Variants in NXPE2 observed in about 807,000 individuals in gnomAD.
NXPE2 encodes the protein neurexophilin and PC-esterase domain family member 2, also known as NXPE family member 2.
A neutral mutation model predicts 34.4 loss-of-function variants in NXPE2; 34 were observed. That is an observed-to-expected ratio of 0.99 (90% CI 0.75 to 1.31). The LOEUF (loss-of-function observed/expected upper bound fraction) is 1.31, where lower values mean the gene tolerates loss of function less well. Among genes scored for constraint, NXPE2 ranks in the 40% most tolerant of loss-of-function variants. The pLI is 0.00. For synonymous variants in NXPE2, 235 were observed against 231.3 expected, an observed-to-expected ratio of 1.02 and a Z score of -0.15; for missense variants, 649 against 672.5, an observed-to-expected ratio of 0.97 and a Z score of 0.39.
chr11:114,514,015 C>G, the NXPE2 span, among the ~76,000 whole-genome samples: 63 of 152,324 alleles, frequency 4.1e-4, 1 homozygote, highest in East Asian at 0.011. Flanking sequence ...ATTAATCACT[C>G]TTATCCTCCT....
the NXPE2 span, among the ~76,000 whole-genome samples, chr11:114,520,765 T>G: frequency 2.0e-5 from 3 of 152,290 alleles, no homozygotes; most frequent in East Asian, 5.8e-4. Context: ...TATTACCATC[T>G]CCTCATTTTT....
the NXPE2 span, among the ~76,000 whole-genome samples, chr11:114,788,927 G>A: frequency 6.6e-6 from 1 of 152,192 alleles, no homozygotes; most frequent in South Asian, 2.1e-4. Flanking sequence ...AAAGTGCCTA[G>A]CAAGTAGGTG....
At chr11:114,589,099 G>T in the NXPE2 span, among the ~76,000 whole-genome samples, 2 of 152,086 alleles carry the variant, frequency 1.3e-5, no homozygotes, top group African/African-American at 4.8e-5. Context: ...CTATTGATGT[G>T]GGAAGTCAGA....
At chr11:114,533,772 A>C in the NXPE2 span, among the ~76,000 whole-genome samples, 5 of 152,220 alleles carry the variant, frequency 3.3e-5, no homozygotes, top group Non-Finnish European at 7.3e-5. Context: ...TTGAGTAGGT[A>C]AACAAAGCGG....
the NXPE2 span, among the ~76,000 whole-genome samples, chr11:114,643,335 C>A: frequency 6.6e-6 from 1 of 152,042 alleles, no homozygotes; most frequent in Admixed American, 6.6e-5. Context: ...TTTGCCCATG[C>A]CTACATCCTG....
chr11:114,559,643 G>A, the NXPE2 span, among the ~76,000 whole-genome samples: 123 of 152,012 alleles, frequency 8.1e-4, 3 homozygotes, highest in South Asian at 0.025. Flanking sequence ...TTTCTTCTGA[G>A]CTTTCTCCCT....
chr11:114,804,864 G>A, the NXPE2 span, among the ~76,000 whole-genome samples: 1 of 152,190 alleles, frequency 6.6e-6, no homozygotes, highest in Admixed American at 6.5e-5. Context: ...AAGAACCACA[G>A]ATCTTGGCAA....
chr11:114,577,242 A>G, the NXPE2 span, among the ~76,000 whole-genome samples: 1 of 151,018 alleles, frequency 6.6e-6, no homozygotes, highest in Non-Finnish European at 1.5e-5. Flanking sequence ...AAAGAATGGC[A>G]TGTGCAGCAA....
At chr11:114,702,895 A>G (rs1951392620) in intron 3 of NXPE2, among the ~76,000 whole-genome samples, 1 of 152,074 alleles carries the variant, frequency 6.6e-6, no homozygotes, top group African/African-American at 2.4e-5. Flanking sequence ...ATTCTTCTCA[A>G]TCTTAGAAAG....
chr11:114,666,041 A>T, the NXPE2 span, among the ~76,000 whole-genome samples: 3 of 152,098 alleles, frequency 2.0e-5, no homozygotes, highest in South Asian at 2.1e-4. Flanking sequence ...CCTGCATCTT[A>T]TGAGAATCCT....
the NXPE2 span, among the ~76,000 whole-genome samples, chr11:114,537,319 A>G: frequency 2.6e-5 from 4 of 152,234 alleles, no homozygotes; most frequent in African/African-American, 7.2e-5. Flanking sequence ...CCCACAGCCA[A>G]TATCATACTG....
chr11:114,582,805 G>C, the NXPE2 span: 1 of 1,614,160 alleles, frequency 6.2e-7, no homozygotes, highest in Non-Finnish European at 8.5e-7. Context: ...CGAGGGTTGA[G>C]GATGGTGGCT....
the NXPE2 span, among the ~76,000 whole-genome samples, chr11:114,764,291 GTTAATA>G: frequency 2.6e-5 from 4 of 152,074 alleles, no homozygotes; most frequent in South Asian, 4.1e-4. Flanking sequence ...AAGTTATTGT[GTTAATA>G]TTAAATTATT....
chr11:114,754,548 T>C, the NXPE2 span, among the ~76,000 whole-genome samples: 2 of 152,162 alleles, frequency 1.3e-5, no homozygotes, highest in Admixed American at 1.3e-4. Flanking sequence ...ATGAGAGCCA[T>C]GGTGGACTGG....
At chr11:114,624,997 C>T in the NXPE2 span, among the ~76,000 whole-genome samples, 89 of 151,624 alleles carry the variant, frequency 5.9e-4, 2 homozygotes, top group African/African-American at 2.1e-3. Flanking sequence ...TCGTGAGTAA[C>T]CACTGTTACC....
the NXPE2 span, among the ~76,000 whole-genome samples, chr11:114,531,988 C>A: frequency 6.6e-6 from 1 of 152,122 alleles, no homozygotes. Context: ...ATTATGTTGT[C>A]CAGGAGTATG....
At chr11:114,490,606 A>G in the NXPE2 span, among the ~76,000 whole-genome samples, 1 of 152,238 alleles carries the variant, frequency 6.6e-6, no homozygotes, top group Non-Finnish European at 1.5e-5. Flanking sequence ...TGGGGAAAGG[A>G]TTCCCTATTT....
At chr11:114,627,279 G>GA in the NXPE2 span, among the ~76,000 whole-genome samples, 1 of 151,980 alleles carries the variant, frequency 6.6e-6, no homozygotes, top group African/African-American at 2.4e-5. Context: ...GAAAGGTCGG[G>GA]TTACCCTCAA....
At chr11:114,683,966 A>G (rs955756078) in intron 2 of NXPE2, among the ~76,000 whole-genome samples, 3 of 152,142 alleles carry the variant, frequency 2.0e-5, no homozygotes, top group Non-Finnish European at 4.4e-5. Context: ...GTACAACTGC[A>G]TGGCTGTTGA....
Sources: allele counts gnomAD v4.1 joint callset (sites outside exome capture counted in the v4.1 genomes callset), GRCh38; gene constraint gnomAD v4.1.1; transcripts MANE v1.5; gene names NCBI Gene and HGNC (gene_info 2026-07-23, HGNC 2026-07-21).